CNNM2: variants seen among roughly 807,000 people sequenced by gnomAD.
CNNM2 encodes the protein metal transporter CNNM2.
In CNNM2, 12 loss-of-function variants were observed where a neutral mutation model predicts 66.9. That is an observed-to-expected ratio of 0.18 (90% CI 0.11 to 0.29). The LOEUF (loss-of-function observed/expected upper bound fraction) is 0.29, where lower values mean the gene tolerates loss of function less well. Ranked by LOEUF, CNNM2 falls within the 10% of genes least tolerant of loss-of-function variation. The probability of loss-of-function intolerance (pLI) is 1.00; values close to 1 mark genes in which losing one functional copy is unlikely to be tolerated. For synonymous variants in CNNM2, 557 were observed against 501.8 expected (o/e 1.11, Z -1.47); for missense variants, 705 against 1,167.7 (o/e 0.60, Z 5.77).
chr10:103,000,191 A>G (rs1263279128), intron 1 of CNNM2, among the ~76,000 whole-genome samples: 1 of 151,976 alleles, frequency 6.6e-6, no homozygotes, highest in African/African-American at 2.4e-5. Flanking sequence ...AGCCGATATC[A>G]TGCCGTTGCA....
At chr10:102,926,971 G>A (rs901106969) in intron 1 of CNNM2, among the ~76,000 whole-genome samples, 2 of 151,712 alleles carry the variant, frequency 1.3e-5, no homozygotes, top group South Asian at 2.1e-4. Context: ...TGCCTTCCTC[G>A]GCCTCCTGAA....
chr10:102,977,277 T>A (rs1461339510), intron 1 of CNNM2, among the ~76,000 whole-genome samples: 1 of 152,150 alleles, frequency 6.6e-6, no homozygotes, highest in Non-Finnish European at 1.5e-5. Flanking sequence ...TTGGTATATT[T>A]GCATTATGTT....
intron 1 of CNNM2, among the ~76,000 whole-genome samples, chr10:102,968,986 T>C (rs1418061546): frequency 6.7e-6 from 1 of 150,284 alleles, no homozygotes; most frequent in Non-Finnish European, 1.5e-5. Context: ...TGATCTTGGC[T>C]TACTGCAGTC....
intron 1 of CNNM2, among the ~76,000 whole-genome samples, chr10:102,967,145 G>T (rs1306499564): frequency 6.6e-6 from 1 of 152,116 alleles, no homozygotes; most frequent in Non-Finnish European, 1.5e-5. Context: ...AGAGATAGGG[G>T]TCTTGCTGTG....
At position 102,950,981 on chromosome 10, in the gene CNNM2, C is replaced by CTTTTTTT. The variant is rs34870588; in HGVS notation, c.1621+30898_1621+30904dup. On this transcript the variant is annotated intron_variant, in intron 1 of 7. Transcript: ENST00000369878. Reference sequence around the variant, plus strand: ...GGGGCAATAGGAATTCTTTCTTTCTCTTTTTTTTTTTTTTTTTTTTTTTTG... The same window carrying CTTTTTTT: ...GGGGCAATAGGAATTCTTTCTTTCTCTTTTTTTTTTTTTTTTTTTTTTTTTTTTTTTG... Among the ~76,000 whole-genome samples, 66 of 80,498 alleles carry CTTTTTTT rather than the reference C, an allele frequency of 8.2e-4. No individual in the cohort carries two copies. The highest frequency in any genetic ancestry group is 9.8e-4 in the Non-Finnish European group (43 of 43,938). 52.8% of individuals were successfully genotyped at this position (80,498 alleles called of 152,430 possible). A position where few individuals can be genotyped will look rare whatever the true frequency, so the allele number is the denominator to read the frequency against.
intron 1 of CNNM2, among the ~76,000 whole-genome samples, chr10:102,984,683 A>G (rs182003608): frequency 1.3e-5 from 2 of 152,108 alleles, no homozygotes; most frequent in Non-Finnish European, 2.9e-5. Context: ...TTTTTTTGAG[A>G]CGGTCTCACT....
intron 1 of CNNM2, among the ~76,000 whole-genome samples, chr10:102,937,135 G>T (rs556490072): frequency 3.9e-5 from 6 of 152,080 alleles, no homozygotes; most frequent in Non-Finnish European, 8.8e-5. Context: ...TAGGCTTTTG[G>T]GTTACATTTG....
intron 1 of CNNM2, among the ~76,000 whole-genome samples, chr10:102,975,910 G>C (rs1441769331): frequency 6.6e-6 from 1 of 152,176 alleles, no homozygotes; most frequent in East Asian, 1.9e-4. Flanking sequence ...TCAGCAGTTT[G>C]AAATAAGTTT....
intron 1 of CNNM2, among the ~76,000 whole-genome samples, chr10:102,935,300 C>T (rs1274395532): frequency 6.6e-6 from 1 of 151,454 alleles, no homozygotes; most frequent in Non-Finnish European, 1.5e-5. Flanking sequence ...CCTGCCTCTA[C>T]AGAAAATAAA....
In CNNM2 at chr10:103,077,174, C is replaced by T; in HGVS notation, c.2622C>T (p.Ala874=). The T allele has an allele frequency of 6.2e-7, 1 of 1,612,384 alleles. No individual in the cohort carries two copies. The highest frequency in any genetic ancestry group is 8.5e-7 in the Non-Finnish European group (1 of 1,179,812). ...KANHSLHNEG[A]I ...ACCACAGCCTGCACAACGAAGGCGC[C>T]ATCTAGGCCGCGCTGGCTGCACCCG... Residue 874 remains alanine (A), a synonymous_variant, in exon 8 of 8, where the codon GCC becomes GCT. Transcript: ENST00000369878.
At chr10:103,022,610 G>C (rs554144589) in intron 1 of CNNM2, among the ~76,000 whole-genome samples, 1 of 152,320 alleles carries the variant, frequency 6.6e-6, no homozygotes, top group South Asian at 2.1e-4. Context: ...CAGAGAGCTG[G>C]CTGTTAAACT....
chr10:103,069,427 C>T (rs375595790), intron 5 of CNNM2, among the ~76,000 whole-genome samples: 4 of 152,180 alleles, frequency 2.6e-5, no homozygotes, highest in Non-Finnish European at 5.9e-5. Context: ...ATTCCGGTTG[C>T]TCTGCATCCA....
Position 103,089,919 on chromosome 10 carries a change from A to G in CNNM2, c.*12739A>G, listed in dbSNP as rs747831286. ...TGATTCATGAGGCATCTAGACAGAA[A>G]AAAGCTAGAGGCTCAGAAAGCAGGC... On this transcript the variant is annotated 3_prime_UTR_variant, in exon 8 of 8. Transcript: ENST00000369878. 14 of 1,574,056 alleles carry G rather than the reference A, an allele frequency of 8.9e-6. No individual in the cohort carries two copies. The highest frequency in any genetic ancestry group is 9.5e-6 in the Non-Finnish European group (11 of 1,158,890).
chr10:102,973,086 G>A (rs924352919), intron 1 of CNNM2, among the ~76,000 whole-genome samples: 1 of 151,838 alleles, frequency 6.6e-6, no homozygotes, highest in African/African-American at 2.4e-5. Flanking sequence ...ACTTGGAGAA[G>A]TTGGATAATT....
chr10:102,922,809 T>C (rs904814939), intron 1 of CNNM2, among the ~76,000 whole-genome samples: 3 of 151,788 alleles, frequency 2.0e-5, no homozygotes, highest in Admixed American at 6.6e-5. Context: ...GGCGTGGTGG[T>C]GTGTGCCTGT....
At chr10:103,070,758 C>T (rs2065564715) in intron 5 of CNNM2, among the ~76,000 whole-genome samples, 1 of 152,104 alleles carries the variant, frequency 6.6e-6, no homozygotes, top group Admixed American at 6.5e-5. Flanking sequence ...GGTGAAACCC[C>T]ATCTCTACTA....
At chr10:102,945,870 ATTTTG>A (rs1846601107) in intron 1 of CNNM2, among the ~76,000 whole-genome samples, 1 of 151,712 alleles carries the variant, frequency 6.6e-6, no homozygotes, top group South Asian at 2.1e-4. Flanking sequence ...GAGGTCAGGA[ATTTTG>A]TTTAGTTTGC....
chr10:103,004,579 C>T (rs2064189739), intron 1 of CNNM2, among the ~76,000 whole-genome samples: 1 of 152,172 alleles, frequency 6.6e-6, no homozygotes, highest in Non-Finnish European at 1.5e-5. Flanking sequence ...TGAGAGTCTG[C>T]ATTTGTCAGG....
intron 1 of CNNM2, among the ~76,000 whole-genome samples, chr10:102,987,436 C>G (rs201874339): frequency 6.6e-6 from 1 of 152,016 alleles, no homozygotes; most frequent in African/African-American, 2.4e-5. Flanking sequence ...TTCTCCTGCC[C>G]CAGCCTCCTG....
Sources: allele counts gnomAD v4.1 joint callset (sites outside exome capture counted in the v4.1 genomes callset), GRCh38; gene constraint gnomAD v4.1.1; transcripts MANE v1.5; gene names NCBI Gene and HGNC (gene_info 2026-07-23, HGNC 2026-07-21).